The following RNF17 variants were observed in gnomAD, a reference collection of about 807,000 sequenced individuals.
RNF17 encodes the protein ring finger protein 17.
A neutral mutation model predicts 200.5 loss-of-function variants in RNF17; 31 were observed. That is an observed-to-expected ratio of 0.15 (90% confidence interval 0.12 to 0.21). The LOEUF is 0.21. Ranked by LOEUF, RNF17 falls within the 10% of genes least tolerant of loss-of-function variation. The pLI, the probability that RNF17 is intolerant of heterozygous loss-of-function variation, is 1.00. For missense variants in RNF17, 1,628 were observed against 1,905.1 expected (o/e 0.85, Z 2.71); for synonymous variants, 606 against 637.8 (o/e 0.95, Z 0.75).
chr13:24,769,089 C>T (rs1219416320), intron 2 of RNF17, among the ~76,000 whole-genome samples: 2 of 147,990 alleles, frequency 1.4e-5, no homozygotes, highest in Non-Finnish European at 3.0e-5. Flanking sequence ...GTAGTAGATC[C>T]CTGATGGATT....
chr13:24,779,261 G>A (rs1305385494), intron 4 of RNF17, among the ~76,000 whole-genome samples: 2 of 151,924 alleles, frequency 1.3e-5, no homozygotes, highest in African/African-American at 4.8e-5. Context: ...ACTTAATCTT[G>A]CTGACTTTTC....
At chr13:24,841,992 A>C in intron 18 of RNF17, 49 bp from the exon 19 acceptor site, 1 of 1,542,984 alleles carries the variant, frequency 6.5e-7, no homozygotes, top group Non-Finnish European at 8.8e-7. Context: ...CTCATTTACT[A>C]TATTTTGTGA....
chr13:24,754,068 G>A, the RNF17 span, among the ~76,000 whole-genome samples: 3 of 151,726 alleles, frequency 2.0e-5, no homozygotes, highest in Admixed American at 6.6e-5. Context: ...TGAGGCAGGA[G>A]AATCACTTGA....
intron 16 of RNF17, among the ~76,000 whole-genome samples, chr13:24,828,911 C>T (rs1266164934): frequency 1.3e-5 from 2 of 151,938 alleles, no homozygotes; most frequent in Non-Finnish European, 2.9e-5. Context: ...TGGGCTTAAG[C>T]AGTCCTCCCA....
chr13:24,767,227 A>AATCATC, intron 1 of RNF17, 45 bp from the exon 2 acceptor site: 3 of 1,308,266 alleles, frequency 2.3e-6, no homozygotes, highest in Non-Finnish European at 2.2e-6. Context: ...CTGTCTCAAT[A>AATCATC]ATCATCATCA....
intron 10 of RNF17, among the ~76,000 whole-genome samples, chr13:24,794,784 G>A (rs12146930): frequency 0.23 from 34,918 of 151,958 alleles, 4,454 homozygotes; most frequent in Non-Finnish European, 0.29. Context: ...ATGCAGTGGC[G>A]CGATCCTGGC....
At position 24,847,024 on chromosome 13, in the gene RNF17, A is replaced by ATTTT. The variant is rs71186852; in HGVS notation, c.3101+1953_3101+1956dup. On this transcript the variant is annotated intron_variant, in intron 22 of 35. Coordinates refer to ENST00000255324, the MANE Select transcript of RNF17 (RefSeq NM_031277.3). ...AAAAACTTTAATGAACCTGTGTGTG[A>ATTTT]TTTTTTTTTTTAAGAAATAAACCAT... 8.0e-4 allele frequency among the ~76,000 whole-genome samples: 120 copies of ATTTT among 149,886 alleles called. 1 individual carries two copies. Among genetic ancestry groups the ATTTT allele is most frequent in the African/African-American group, 2.7e-3 (111 of 40,910 alleles).
At chr13:24,764,360 G>C (rs369073462) in intron 1 of RNF17, 27 bp downstream of exon 1, 6 of 1,559,450 alleles carry the variant, frequency 3.8e-6, no homozygotes, top group South Asian at 1.2e-5. Context: ...CCCACCTAGC[G>C]GGGAGGCAGC....
chr13:24,861,570 A>C (rs888572026), intron 27 of RNF17, among the ~76,000 whole-genome samples, 183 bp downstream of exon 27: 1 of 152,252 alleles, frequency 6.6e-6, no homozygotes, highest in Non-Finnish European at 1.5e-5. Flanking sequence ...AATTATACTC[A>C]AGGCTGTAAA....
intron 19 of RNF17, among the ~76,000 whole-genome samples, chr13:24,843,426 G>C (rs1172947120): frequency 6.6e-6 from 1 of 152,060 alleles, no homozygotes; most frequent in Non-Finnish European, 1.5e-5. Context: ...GCTGAGGCAG[G>C]AGAATTGCTT....
chr13:24,775,275 G>T (rs1248864857), intron 3 of RNF17, among the ~76,000 whole-genome samples: 3 of 152,056 alleles, frequency 2.0e-5, no homozygotes, highest in Admixed American at 1.3e-4. Flanking sequence ...TAAAGACAGG[G>T]TCTCACTCTG....
intron 15 of RNF17, among the ~76,000 whole-genome samples, chr13:24,807,524 C>G (rs192378402): frequency 1.4e-3 from 211 of 152,246 alleles, no homozygotes; most frequent in Non-Finnish European, 2.5e-3. Flanking sequence ...TGTTTGAGTT[C>G]ATTGTAGTTT....
intron 15 of RNF17, among the ~76,000 whole-genome samples, chr13:24,816,696 A>G (rs1431092283): frequency 6.6e-6 from 1 of 152,166 alleles, no homozygotes; most frequent in Admixed American, 6.5e-5. Flanking sequence ...TGACATACAC[A>G]TACCTAACTT....
chr13:24,829,056 G>GATTACAGGTGTGAGCC (rs1889088632), intron 16 of RNF17, among the ~76,000 whole-genome samples: 1 of 152,092 alleles, frequency 6.6e-6, no homozygotes. Context: ...AAAGCACTGA[G>GATTACAGGTGTGAGCC]ATTACAGGTG....
rs531003941 is a variant in RNF17 at position 24,805,658 on chromosome 13, C to T, written c.2091+1229C>T. The stretch of plus-strand genomic sequence containing the variant: ...CCTATGTGAATAATGCTGCTATGGA[C>T]ACTGGCATGAAAGTATCCATTTGGG... On this transcript the variant is annotated intron_variant, in intron 15 of 35. Transcript: ENST00000255324. Among the ~76,000 whole-genome samples, 4 of 152,288 alleles carry T rather than the reference C, an allele frequency of 2.6e-5. No individual in the cohort carries two copies. In the South Asian group the frequency reaches 8.3e-4, roughly 32 times the overall value.
At chr13:24,880,390 T>G (rs1015283530), downstream of RNF17, among the ~76,000 whole-genome samples, 1 of 152,178 alleles carries the variant, frequency 6.6e-6, no homozygotes, top group Non-Finnish European at 1.5e-5. Context: ...CAATTCGAGA[T>G]TTTGGGTGGG....
At chr13:24,827,304 AATT>A (rs895092308) in intron 16 of RNF17, among the ~76,000 whole-genome samples, 23 of 152,104 alleles carry the variant, frequency 1.5e-4, no homozygotes, top group Non-Finnish European at 2.5e-4. Context: ...GATCTTTACA[AATT>A]ATTCCTAATA....
At chr13:24,748,776 C>T in the RNF17 span, among the ~76,000 whole-genome samples, 2 of 150,820 alleles carry the variant, frequency 1.3e-5, no homozygotes, top group Non-Finnish European at 2.9e-5. Context: ...GACAGGGTCT[C>T]ACTCTGTCAC....
chr13:24,827,718 C>CAA (rs1250308715), intron 16 of RNF17, among the ~76,000 whole-genome samples: 2 of 54,630 alleles, frequency 3.7e-5, no homozygotes, highest in South Asian at 7.6e-4. Context: ...AAAAAAAAAA[C>CAA]AAAAAAAAAA....
Sources: allele counts gnomAD v4.1 joint callset (sites outside exome capture counted in the v4.1 genomes callset), GRCh38; gene constraint gnomAD v4.1.1; transcripts MANE v1.5; gene names NCBI Gene and HGNC (gene_info 2026-07-23, HGNC 2026-07-21).